The following SUMF1 variants were observed in gnomAD, a reference collection of about 807,000 sequenced individuals.
SUMF1 encodes the protein sulfatase modifying factor 1.
A neutral mutation model predicts 47.6 loss-of-function variants in SUMF1; 48 were observed. That is an observed-to-expected ratio of 1.01 (90% confidence interval 0.80 to 1.28). SUMF1 has a LOEUF of 1.28. Ranked by LOEUF, SUMF1 falls within the 50% of genes most tolerant of loss-of-function variation. The probability of loss-of-function intolerance (pLI) is 0.00; values close to 1 mark genes in which losing one functional copy is unlikely to be tolerated. For synonymous variants in SUMF1, 230 were observed against 192.1 expected (o/e 1.20, Z -1.63); for missense variants, 571 against 485.4 (o/e 1.18, Z -1.66).
chr3:4,155,857 C>T lies in SUMF1; in HGVS notation c.1015-87112G>A, dbSNP rs117460415. Among the ~76,000 whole-genome samples the T allele has an allele frequency of 1.7e-4, 25 of 151,042 alleles. No homozygotes were observed. The East Asian group carries it at 4.5e-3, about 27-fold the overall frequency. On this transcript the variant is annotated intron_variant and NMD_transcript_variant, in intron 8 of 12. Coordinates refer to the SUMF1 transcript ENST00000448413. ...ACCCAGGACCAAAAATCAATTTGCC[C>T]ATCAAAGAGGCTCCCCAAGACCTTC...
intron 8 of SUMF1, among the ~76,000 whole-genome samples, chr3:4,246,030 G>C (rs1050024014): frequency 2.6e-5 from 4 of 152,190 alleles, no homozygotes; most frequent in Non-Finnish European, 4.4e-5. Context: ...TGCACTAGCA[G>C]CGAGCAAGGC....
intron 8 of SUMF1, among the ~76,000 whole-genome samples, chr3:4,115,848 G>T (rs185661987): frequency 6.6e-6 from 1 of 151,968 alleles, no homozygotes; most frequent in East Asian, 1.9e-4. Context: ...AATCTATTTT[G>T]TAAACGACTA....
At position 4,246,083 on chromosome 3, in the gene SUMF1, C is replaced by G. The variant is rs562213026; in HGVS notation, c.1014+130247G>C. On this transcript the variant is annotated intron_variant and NMD_transcript_variant, in intron 8 of 12. Transcript: ENST00000448413. ...CGCCAAGCCAGGTACGGGAGGGAAT[C>G]TCCTGGTCTTCCGGTTGTGAAGAAC... 2.0e-5 allele frequency among the ~76,000 whole-genome samples: 3 copies of G among 152,318 alleles called. No individual in the cohort carries two copies. The East Asian group carries it at 5.8e-4, about 29-fold the overall frequency.
intron 8 of SUMF1, among the ~76,000 whole-genome samples, chr3:4,340,121 A>ACC (rs1198935675): frequency 6.6e-6 from 1 of 151,832 alleles, no homozygotes; most frequent in Non-Finnish European, 1.5e-5. Context: ...ACACACACAC[A>ACC]CACAAACACA....
chr3:4,218,489 CAT>C (rs5846313), intron 8 of SUMF1, among the ~76,000 whole-genome samples: 56,033 of 151,726 alleles, frequency 0.37, 11,057 homozygotes, highest in Non-Finnish European at 0.46. Flanking sequence ...GAAGAATAAA[CAT>C]GTGTGAAGCC....
chr3:4,376,365 G>A lies in SUMF1; in HGVS notation c.979C>T (p.Arg327Ter), dbSNP rs137852845. Residue 327 changes from arginine to a stop codon, truncating the protein, a stop_gained, in exon 8 of 9, where the codon CGA becomes TGA. Coordinates refer to ENST00000272902, the MANE Select transcript of SUMF1 (RefSeq NM_182760.4). LOFTEE classifies it high-confidence loss of function. Reference sequence around the variant, plus strand: ...ATGTAGGATCCACCTTTCTTCACTCGGTCTTTCCCAGAAGGGGGACCTTTC... The same window carrying A: ...ATGTAGGATCCACCTTTCTTCACTCAGTCTTTCCCAGAAGGGGGACCTTTC... Reference protein sequence around the residue: ...NPKGPPSGKDRVKKGGSYMCH... With the variant: ...NPKGPPSGKD 7.4e-6 allele frequency: 12 copies of A among 1,613,962 alleles called. No individual in the cohort carries two copies. The highest frequency in any genetic ancestry group is 1.1e-5 in the South Asian group (1 of 91,086).
intron 8 of SUMF1, among the ~76,000 whole-genome samples, chr3:4,229,783 G>T (rs1225238117): frequency 3.9e-5 from 6 of 152,066 alleles, no homozygotes; most frequent in Non-Finnish European, 4.4e-5. Flanking sequence ...GGTAGCCAAG[G>T]TAGGAGAACT....
At chr3:4,108,673 T>G (rs1365697726) in intron 8 of SUMF1, among the ~76,000 whole-genome samples, 4 of 152,140 alleles carry the variant, frequency 2.6e-5, no homozygotes, top group Non-Finnish European at 5.9e-5. Context: ...TTTACCATTA[T>G]GTAATGGCCT....
chr3:4,465,707 A>G (rs1434182409), intron 1 of SUMF1, among the ~76,000 whole-genome samples: 1 of 152,040 alleles, frequency 6.6e-6, no homozygotes, highest in Non-Finnish European at 1.5e-5. Context: ...CCAGGTATCA[A>G]CCTCCTACAC....
rs1697049369 is a variant in SUMF1, at chr3:4,259,940, AGAG to A, written c.1014+116387_1014+116389del. The stretch of plus-strand genomic sequence containing the variant: ...ACTTCCTCAACTAACTGGAATGCTC[AGAG>A]GAGAAGTTATAGTTGTCGTGAGTTA... On this transcript the variant is annotated intron_variant and NMD_transcript_variant, in intron 8 of 12. Transcript: ENST00000448413. Among the ~76,000 whole-genome samples, 3 of 152,244 alleles carry A rather than the reference AGAG, an allele frequency of 2.0e-5. No homozygotes were observed. The South Asian group carries it at 6.2e-4, about 32-fold the overall frequency.
intron 8 of SUMF1, among the ~76,000 whole-genome samples, chr3:4,298,045 TA>T (rs1455341464): frequency 1.3e-5 from 2 of 152,252 alleles, no homozygotes; most frequent in Admixed American, 1.3e-4. Context: ...GTTTTCTTTT[TA>T]TTTTTTTATT....
intron 8 of SUMF1, among the ~76,000 whole-genome samples, chr3:4,147,620 T>C (rs1694225723): frequency 6.6e-6 from 1 of 152,162 alleles, no homozygotes; most frequent in Admixed American, 6.5e-5. Context: ...TGACAAAAGC[T>C]ATGTGCCACA....
intron 7 of SUMF1, among the ~76,000 whole-genome samples, chr3:4,378,274 G>A (rs964594491): frequency 2.0e-5 from 3 of 152,154 alleles, no homozygotes; most frequent in African/African-American, 7.2e-5. Context: ...AATATATCAT[G>A]TAAATTGCTG....
At chr3:4,145,899 A>G (rs1694182792) in intron 8 of SUMF1, among the ~76,000 whole-genome samples, 1 of 152,146 alleles carries the variant, frequency 6.6e-6, no homozygotes, top group Non-Finnish European at 1.5e-5. Flanking sequence ...GCCCTGTTAC[A>G]AAGAACCTCA....
At chr3:4,348,834 C>A (rs572943424) in intron 8 of SUMF1, among the ~76,000 whole-genome samples, 7 of 152,180 alleles carry the variant, frequency 4.6e-5, no homozygotes, top group Admixed American at 4.6e-4. Context: ...AAGATCACGC[C>A]ATTGCACTCC....
At chr3:4,447,129 A>T (rs1575234114) in intron 3 of SUMF1, among the ~76,000 whole-genome samples, 1 of 152,122 alleles carries the variant, frequency 6.6e-6, no homozygotes. Flanking sequence ...AGGATAACTC[A>T]GTAAGCTGTA....
At chr3:4,127,892 C>T (rs1162944233) in intron 8 of SUMF1, among the ~76,000 whole-genome samples, 1 of 152,054 alleles carries the variant, frequency 6.6e-6, no homozygotes, top group East Asian at 1.9e-4. Context: ...CAGTGATAGT[C>T]CTTGGCATGA....
intron 8 of SUMF1, among the ~76,000 whole-genome samples, chr3:4,084,363 C>A (rs889082596): frequency 6.6e-6 from 1 of 152,256 alleles, no homozygotes; most frequent in South Asian, 2.1e-4. Flanking sequence ...ATGTCAATAA[C>A]AAGTACAGCT....
chr3:4,208,880 A>G (rs1695713353), intron 8 of SUMF1, among the ~76,000 whole-genome samples: 2 of 152,158 alleles, frequency 1.3e-5, no homozygotes, highest in South Asian at 2.1e-4. Flanking sequence ...AAGAGAAGAA[A>G]GAGATCTGTT....
Sources: gnomAD v4.1 joint callset for allele counts (sites outside exome capture counted in the v4.1 genomes callset) on GRCh38, gnomAD v4.1.1 for gene constraint, MANE v1.5 for transcripts, NCBI Gene and HGNC (gene_info 2026-07-23, HGNC 2026-07-21) for gene names.